HNF1B: variants seen among roughly 807,000 people sequenced by gnomAD.
HNF1B encodes the protein HNF1 homeobox B, also known as hepatocyte nuclear factor 1-beta.
A neutral mutation model predicts 61.7 loss-of-function variants in HNF1B; 8 were observed. That is an observed-to-expected ratio of 0.13 (90% confidence interval 0.08 to 0.23). The LOEUF (loss-of-function observed/expected upper bound fraction) is 0.23. HNF1B is among the 10% of genes least tolerant of loss of function. The pLI is 1.00. For missense variants in HNF1B, 562 were observed against 714.5 expected (o/e 0.79, Z 2.43); for synonymous variants, 314 against 287.7 (o/e 1.09, Z -0.93).
chr17:37,697,495 C>T (rs1049821990), intron 8 of HNF1B, among the ~76,000 whole-genome samples: 8 of 152,108 alleles, frequency 5.3e-5, no homozygotes, highest in Non-Finnish European at 7.3e-5. Flanking sequence ...TGAATTCAGA[C>T]GACTTGTTTC....
At chr17:37,696,640 T>C (rs2032394836) in intron 8 of HNF1B, among the ~76,000 whole-genome samples, 1 of 152,188 alleles carries the variant, frequency 6.6e-6, no homozygotes, top group Non-Finnish European at 1.5e-5. Context: ...TTTGAACCTC[T>C]TTTACCCAGC....
At chr17:37,699,237 G>T in intron 7 of HNF1B, 43 bp from the exon 8 acceptor site, 1 of 1,473,408 alleles carries the variant, frequency 6.8e-7, no homozygotes, top group Non-Finnish European at 9.5e-7. Flanking sequence ...GCATACACAG[G>T]CAAAGACACA....
chr17:37,744,798 G>A lies in HNF1B; in HGVS notation c.87C>T (p.Ala29=), dbSNP rs1250747392. The stretch of plus-strand genomic sequence containing the variant: ...TCGGGGATGGCAGCAACTCCTCCAA[G>A]GCCTGAACCAGCACCTCCTTGGTGA... ...SGVTKEVLVQ[A]LEELLPSPNF... is the part of the protein sequence containing the mutation. The change falls in exon 1 of 9, where the codon GCC becomes GCT. Residue 29 remains alanine, a synonymous_variant. Transcript: ENST00000617811. 6.2e-7 allele frequency: 1 copy of A among 1,613,660 alleles called. No individual in the cohort carries two copies. Among genetic ancestry groups the A allele is most frequent in the Admixed American group, 1.7e-5 (1 of 60,030 alleles).
chr17:37,692,197 G>C (rs144520402), intron 8 of HNF1B, among the ~76,000 whole-genome samples: 95 of 152,348 alleles, frequency 6.2e-4, no homozygotes, highest in African/African-American at 2.0e-3. Flanking sequence ...GTCCCAGCCT[G>C]GGGTTCCTGA....
At chr17:37,728,297 T>A (rs2033570571) in intron 4 of HNF1B, among the ~76,000 whole-genome samples, 1 of 150,650 alleles carries the variant, frequency 6.6e-6, no homozygotes, top group Admixed American at 6.6e-5. Context: ...CCACCACACC[T>A]AGCCCACAGA....
At chr17:37,714,690 C>T (rs1016820772) in intron 4 of HNF1B, among the ~76,000 whole-genome samples, 3 of 152,196 alleles carry the variant, frequency 2.0e-5, no homozygotes, top group African/African-American at 7.2e-5. Context: ...TGGGCTATTC[C>T]TGGATACAGA....
intron 2 of HNF1B, 67 bp from the exon 3 acceptor site, chr17:37,733,888 AG>A: frequency 6.3e-7 from 1 of 1,576,288 alleles, no homozygotes; most frequent in Non-Finnish European, 8.7e-7. Flanking sequence ...ACAGACAGAC[AG>A]ACAGACAACG....
intron 1 of HNF1B, among the ~76,000 whole-genome samples, chr17:37,740,923 G>A (rs1300457683): frequency 2.6e-5 from 4 of 152,118 alleles, no homozygotes; most frequent in Non-Finnish European, 4.4e-5. Flanking sequence ...TGAAAAGAGA[G>A]ATATAATTTA....
intron 8 of HNF1B, among the ~76,000 whole-genome samples, chr17:37,698,078 A>C (rs1304442046): frequency 6.6e-6 from 1 of 152,108 alleles, no homozygotes; most frequent in Non-Finnish European, 1.5e-5. Flanking sequence ...GATCCCATGA[A>C]GGAACCTCCT....
intron 8 of HNF1B, among the ~76,000 whole-genome samples, chr17:37,694,858 G>A (rs142648894): frequency 4.8e-4 from 73 of 152,214 alleles, no homozygotes; most frequent in Middle Eastern, 3.4e-3. Context: ...CAGTAGCTAC[G>A]GAAGCAAAGG....
At chr17:37,691,493 C>T (rs966700081) in intron 8 of HNF1B, among the ~76,000 whole-genome samples, 4 of 152,102 alleles carry the variant, frequency 2.6e-5, no homozygotes, top group Admixed American at 6.5e-5. Context: ...CCCTTTGCCA[C>T]GTAAGACCCT....
intron 5 of HNF1B, among the ~76,000 whole-genome samples, chr17:37,708,125 G>A (rs557218579): frequency 3.4e-4 from 52 of 152,184 alleles, no homozygotes; most frequent in African/African-American, 1.1e-3. Flanking sequence ...GTGAATGACC[G>A]AGCCAAGACT....
intron 5 of HNF1B, among the ~76,000 whole-genome samples, chr17:37,706,539 C>G (rs1476725113): frequency 1.3e-5 from 2 of 151,964 alleles, no homozygotes; most frequent in Non-Finnish European, 2.9e-5. Flanking sequence ...AAGCAAAAAC[C>G]AAACAGGTTT....
Position 37,686,917 on chromosome 17 carries a change from C to G in HNF1B, c.*455G>C. The G allele has an allele frequency of 3.0e-6, 1 of 329,304 alleles. No homozygotes were observed. The highest frequency in any genetic ancestry group is 4.2e-5 in the Admixed American group (1 of 23,604). The allele number at this position is 329,304 out of a possible 1,614,324, so 20.4% of individuals were successfully genotyped here. On this transcript the variant is annotated 3_prime_UTR_variant, in exon 9 of 9. Coordinates refer to ENST00000617811, the MANE Select transcript of HNF1B (RefSeq NM_000458.4). ...ACAAATTTACTTCTTTAAAAGAAAT[C>G]TCAAGATCATTTGGGATGGGGGCAG... is the stretch of plus-strand genomic sequence containing the variant.
intron 2 of HNF1B, among the ~76,000 whole-genome samples, chr17:37,735,601 A>G (rs2033810451): frequency 6.6e-6 from 1 of 152,200 alleles, no homozygotes; most frequent in Admixed American, 6.5e-5. Context: ...AGTCACTGCT[A>G]GTGGGATCAT....
chr17:37,718,110 G>T (rs958459604), intron 4 of HNF1B, among the ~76,000 whole-genome samples: 1 of 151,616 alleles, frequency 6.6e-6, no homozygotes, highest in Non-Finnish European at 1.5e-5. Context: ...CCACAAACTG[G>T]TTTTCTTATT....
rs377026166 is a variant in HNF1B at position 37,696,576 on chromosome 17, G to A, written c.1653+2500C>T. ...GCTTGTAAACCTTCTGAGGTCTTCA[G>A]CAGAGGCAGATGCTGGCATCATGCT... On this transcript the variant is annotated intron_variant, in intron 8 of 8. Transcript: ENST00000617811. Among the ~76,000 whole-genome samples, 47 of 152,352 alleles carry A rather than the reference G, an allele frequency of 3.1e-4. No individual in the cohort carries two copies. The East Asian group carries it at 6.4e-3, about 21-fold the overall frequency.
Position 37,695,864 on chromosome 17 carries a change from A to T in HNF1B, c.1653+3212T>A, listed in dbSNP as rs75438813. On this transcript the variant is annotated intron_variant, in intron 8 of 8. Coordinates refer to ENST00000617811, the MANE Select transcript of HNF1B (RefSeq NM_000458.4). The stretch of plus-strand genomic sequence containing the variant: ...ATTTTACAAGCTCATAGGTGGAAGG[A>T]CTTGCTCTTGAGTCTCAGATGAGAC... 3.0e-3 allele frequency among the ~76,000 whole-genome samples: 451 copies of T among 152,316 alleles called. 1 individual carries two copies. The highest frequency in any genetic ancestry group is 0.01 in the African/African-American group (428 of 41,572).
chr17:37,704,874 C>T (rs1482074838), intron 6 of HNF1B, 43 bp downstream of exon 6: 2 of 1,610,434 alleles, frequency 1.2e-6, no homozygotes, highest in Admixed American at 1.7e-5. Flanking sequence ...TCCCATTCTT[C>T]TTCTCCCTGC....
Sources: gnomAD v4.1 joint callset for allele counts (sites outside exome capture counted in the v4.1 genomes callset) on GRCh38, gnomAD v4.1.1 for gene constraint, MANE v1.5 for transcripts, NCBI Gene and HGNC (gene_info 2026-07-23, HGNC 2026-07-21) for gene names.